Variants in WWOX observed in about 807,000 individuals in gnomAD.
WWOX encodes the protein WW domain-containing oxidoreductase.
Under a neutral mutation model 46.2 loss-of-function variants are expected in WWOX, and 69 were observed. The ratio of observed to expected loss-of-function variants is 1.49; its 90% CI spans 1.23 to 1.82. The LOEUF (loss-of-function observed/expected upper bound fraction) is 1.82, where lower values mean the gene tolerates loss of function less well. Ranked by LOEUF, WWOX falls within the 40% of genes most tolerant of loss-of-function variation. The probability of loss-of-function intolerance (pLI) is 0.00; values close to 1 mark genes in which losing one functional copy is unlikely to be tolerated. For missense variants in WWOX, 919 were observed against 542.6 expected (o/e 1.69, Z -6.89); for synonymous variants, 359 against 202.6 (o/e 1.77, Z -6.56).
chr16:78,774,743 T>A (rs937381384), intron 8 of WWOX, among the ~76,000 whole-genome samples: 1 of 152,116 alleles, frequency 6.6e-6, no homozygotes, highest in South Asian at 2.1e-4. Context: ...TACACACACA[T>A]GGGCACATAT....
chr16:78,805,232 G>A (rs2050998262), intron 8 of WWOX, among the ~76,000 whole-genome samples: 1 of 152,168 alleles, frequency 6.6e-6, no homozygotes, highest in South Asian at 2.1e-4. Context: ...TGCCTCTGGA[G>A]AATCAAATCC....
At chr16:79,147,033 A>G (rs1256313165) in intron 8 of WWOX, among the ~76,000 whole-genome samples, 1 of 152,208 alleles carries the variant, frequency 6.6e-6, no homozygotes, top group Non-Finnish European at 1.5e-5. Context: ...ATTGTGCAAT[A>G]TCACAGTGTT....
intron 8 of WWOX, among the ~76,000 whole-genome samples, chr16:79,019,203 A>G (rs1312745563): frequency 7.4e-6 from 1 of 134,386 alleles, no homozygotes; most frequent in Non-Finnish European, 1.6e-5. Context: ...AAAAGTTGGA[A>G]TGACATCAGA....
At chr16:78,527,947 G>A (rs1408334577) in intron 8 of WWOX, among the ~76,000 whole-genome samples, 2 of 147,862 alleles carry the variant, frequency 1.4e-5, no homozygotes, top group African/African-American at 5.0e-5. Context: ...CTGTGCCATT[G>A]TGCAAAGATT....
At chr16:78,187,568 A>G (rs2035750742) in intron 5 of WWOX, among the ~76,000 whole-genome samples, 1 of 152,088 alleles carries the variant, frequency 6.6e-6, no homozygotes, top group Non-Finnish European at 1.5e-5. Context: ...GCGCCACTGC[A>G]CTCCAGCCTG....
At chr16:78,354,695 A>T (rs1411711689) in intron 5 of WWOX, among the ~76,000 whole-genome samples, 4 of 101,696 alleles carry the variant, frequency 3.9e-5, no homozygotes, top group African/African-American at 1.7e-4. Flanking sequence ...GAATATTCTT[A>T]AACTAGGTAA....
intron 8 of WWOX, among the ~76,000 whole-genome samples, chr16:78,968,179 G>GGCACAGCGCGTGGTCCGCA (rs2046401276): frequency 6.7e-6 from 1 of 149,966 alleles, no homozygotes; most frequent in African/African-American, 2.5e-5. Context: ...CGTGGTCTGC[G>GGCACAGCGCGTGGTCCGCA]TGGCACAGTG....
intron 6 of WWOX, among the ~76,000 whole-genome samples, chr16:78,400,166 C>T (rs1325881177): frequency 6.6e-6 from 1 of 152,142 alleles, no homozygotes; most frequent in Non-Finnish European, 1.5e-5. Context: ...AGTTCGGTCA[C>T]TTACTCGTCA....
intron 8 of WWOX, among the ~76,000 whole-genome samples, chr16:78,647,306 G>T (rs1441921171): frequency 6.6e-6 from 1 of 152,260 alleles, no homozygotes; most frequent in South Asian, 2.1e-4. Context: ...TGCTGGCCCG[G>T]CCCAGGCGAG....
At chr16:78,548,758 G>A (rs1308963819) in intron 8 of WWOX, among the ~76,000 whole-genome samples, 1 of 152,162 alleles carries the variant, frequency 6.6e-6, no homozygotes, top group Non-Finnish European at 1.5e-5. Context: ...GGGACTTAGT[G>A]TAATGGTTTA....
intron 8 of WWOX, among the ~76,000 whole-genome samples, chr16:79,026,749 C>G (rs1312115545): frequency 6.7e-6 from 1 of 148,520 alleles, no homozygotes; most frequent in African/African-American, 2.5e-5. Flanking sequence ...TCCCAAGTAG[C>G]TGGGAGTACA....
intron 5 of WWOX, chr16:78,238,125 T>A (rs1469852052): frequency 6.6e-6 from 1 of 152,234 alleles, no homozygotes; most frequent in Non-Finnish European, 1.5e-5. Flanking sequence ...AGAAAGTGCC[T>A]CGGTTCCAGC....
chr16:78,498,795 G>A (rs984155716), intron 8 of WWOX, among the ~76,000 whole-genome samples: 7 of 152,146 alleles, frequency 4.6e-5, no homozygotes, highest in Non-Finnish European at 8.8e-5. Flanking sequence ...CGAACTCCTG[G>A]TTTCAAGTAG....
intron 8 of WWOX, among the ~76,000 whole-genome samples, chr16:78,607,753 G>C (rs1223154975): frequency 2.0e-5 from 3 of 151,778 alleles, no homozygotes; most frequent in African/African-American, 7.2e-5. Context: ...AGAGTGTGCT[G>C]TGTCAGGGTG....
chr16:79,024,838 G>A (rs903750240), intron 8 of WWOX, among the ~76,000 whole-genome samples: 1 of 152,150 alleles, frequency 6.6e-6, no homozygotes, highest in Non-Finnish European at 1.5e-5. Context: ...AGAAAGTGCT[G>A]GGATTACAGG....
Position 78,562,814 on chromosome 16 carries a change from A to G in WWOX, c.1056+130062A>G, listed in dbSNP as rs368075486. ...GCTGAGCTCTTCAGTGTCATCACAG[A>G]AAAGCATGAGCCCCTCCCTGGTACG... On this transcript the variant is annotated intron_variant, in intron 8 of 8. Transcript: ENST00000566780. Among the ~76,000 whole-genome samples the G allele has an allele frequency of 9.2e-5, 14 of 152,310 alleles. No homozygotes were observed. The East Asian group carries it at 1.7e-3, about 19-fold the overall frequency.
rs1183105046 is a variant in WWOX at position 79,125,978 on chromosome 16, C to T, written c.1057-85630C>T. ...GCTGGTGGTGTTTTTACTCTAACAC[C>T]TCTTTCAGTACATACATACAGTAGG... On this transcript the variant is annotated intron_variant, in intron 8 of 8. Transcript: ENST00000566780. 5.9e-5 allele frequency among the ~76,000 whole-genome samples: 9 copies of T among 152,132 alleles called. No individual in the cohort carries two copies. In the South Asian group the frequency reaches 1.2e-3, roughly 21 times the overall value.
chr16:78,335,841 C>T (rs761040534), intron 5 of WWOX, among the ~76,000 whole-genome samples: 32 of 152,158 alleles, frequency 2.1e-4, no homozygotes, highest in African/African-American at 7.5e-4. Context: ...TTTGTAATCC[C>T]ACCACTTTGT....
intron 8 of WWOX, among the ~76,000 whole-genome samples, chr16:79,143,810 A>T (rs2050134794): frequency 6.6e-6 from 1 of 152,128 alleles, no homozygotes; most frequent in Admixed American, 6.5e-5. Context: ...AGCTGGTAGG[A>T]GTTTTAGCCA....
Sources: gnomAD v4.1 joint callset for allele counts (sites outside exome capture counted in the v4.1 genomes callset) on GRCh38, gnomAD v4.1.1 for gene constraint, MANE v1.5 for transcripts, NCBI Gene and HGNC (gene_info 2026-07-23, HGNC 2026-07-21) for gene names.